The following CDH11 variants were observed in gnomAD, a reference collection of about 807,000 sequenced individuals.
The protein encoded by CDH11 is cadherin-11.
CDH11 carries 11 observed loss-of-function variants against 67.8 expected under a neutral mutation model. The ratio of observed to expected loss-of-function variants is 0.16; its 90% CI spans 0.10 to 0.27. CDH11 has a LOEUF of 0.27. CDH11 is among the 10% of genes least tolerant of loss of function. The pLI is 1.00. For synonymous variants in CDH11, 419 were observed against 400.0 expected (o/e 1.05, Z -0.57); for missense variants, 847 against 1,031.2 (o/e 0.82, Z 2.45).
Position 64,998,565 on chromosome 16 carries a change from C to T in CDH11, c.520G>A (p.Val174Met). 2 of 1,614,090 alleles carry T rather than the reference C, an allele frequency of 1.2e-6. No homozygotes were observed. The highest frequency in any genetic ancestry group is 1.1e-5 in the South Asian group (1 of 91,074). ...AGGCCTCCCACACCGTACGCACCCA[C>T]ATTGGACCTCTCAGGCACGTTGGCA... ...YHANVPERSNVGTSVIQVTAS... is the reference protein window; with the variant it reads ...YHANVPERSNMGTSVIQVTAS... Residue 174 changes from valine to methionine, a missense_variant, in exon 4 of 13, where the codon GTG becomes ATG. By Grantham distance (21) the Val-to-Met change is conservative (BLOSUM62 1). Coordinates refer to ENST00000268603, the MANE Select transcript of CDH11 (RefSeq NM_001797.4).
chr16:65,116,552 G>A (rs1447783112), intron 1 of CDH11, among the ~76,000 whole-genome samples: 3 of 152,186 alleles, frequency 2.0e-5, no homozygotes, highest in Admixed American at 6.5e-5. Flanking sequence ...TGGAGTTTAG[G>A]AAGTGAAAGC....
In CDH11 at chr16:65,006,452, T is replaced by C. The variant is rs78344243; in HGVS notation, c.-172-1411A>G. Among the ~76,000 whole-genome samples, 922 of 152,272 alleles carry C rather than the reference T, an allele frequency of 6.1e-3. 7 individuals carry two copies. The highest frequency in any genetic ancestry group is 0.021 in the African/African-American group (866 of 41,566). Reference sequence around the variant, plus strand: ...TACATAGACTTGGAGATCAGATGCATCTGGATCAGAATACCACTTCCATAT... The same window carrying C: ...TACATAGACTTGGAGATCAGATGCACCTGGATCAGAATACCACTTCCATAT... On this transcript the variant is annotated intron_variant, in intron 2 of 12. Transcript: ENST00000268603.
intron 1 of CDH11, among the ~76,000 whole-genome samples, chr16:65,070,581 T>C (rs1462093460): frequency 6.6e-6 from 1 of 152,204 alleles, no homozygotes; most frequent in Non-Finnish European, 1.5e-5. Context: ...ACACATGCCA[T>C]GGGTGAGCAA....
chr16:65,101,857 C>G (rs1253592021), intron 1 of CDH11, among the ~76,000 whole-genome samples: 1 of 152,162 alleles, frequency 6.6e-6, no homozygotes, highest in Admixed American at 6.5e-5. Flanking sequence ...CACAGCCTAG[C>G]TGATTTTCAG....
chr16:65,062,727 T>C (rs2074252520), intron 1 of CDH11, among the ~76,000 whole-genome samples: 1 of 152,372 alleles, frequency 6.6e-6, no homozygotes, highest in Non-Finnish European at 1.5e-5. Flanking sequence ...TTGTCCACTT[T>C]ATAATCAGGT....
At chr16:65,055,847 C>A (rs1017664946) in intron 1 of CDH11, among the ~76,000 whole-genome samples, 3 of 152,126 alleles carry the variant, frequency 2.0e-5, no homozygotes, top group African/African-American at 7.2e-5. Context: ...AGCACTAACC[C>A]ATAATGTGAT....
At position 64,971,616 on chromosome 16, in the gene CDH11, G is replaced by A. The variant is rs1286796479; in HGVS notation, c.1605C>T (p.Ile535=). ...TGACTGTGAAATTTGGATTGTGAAT[G>A]ATTTCAGGGGGTAGGCTGAAGATAA... is the stretch of plus-strand genomic sequence containing the variant. The part of the protein sequence containing the change: ...PRFIFSLPPE[I]IHNPNFTVRD... Residue 535 remains isoleucine (I), a synonymous_variant, in exon 11 of 13, where the codon ATC becomes ATT. Transcript: ENST00000268603. 6.2e-7 allele frequency: 1 copy of A among 1,613,304 alleles called. No individual in the cohort carries two copies. Among genetic ancestry groups the A allele is most frequent in the East Asian group, 2.2e-5 (1 of 44,888 alleles).
intron 2 of CDH11, among the ~76,000 whole-genome samples, chr16:65,016,018 G>T (rs557621333): frequency 5.9e-5 from 9 of 152,182 alleles, no homozygotes; most frequent in Non-Finnish European, 1.2e-4. Context: ...AAGTCAAGCT[G>T]CTTCCAATGA....
Position 65,004,660 on chromosome 16 carries a change from G to T in CDH11, c.210C>A (p.Asp70Glu). 2 of 1,613,114 alleles carry T rather than the reference G, an allele frequency of 1.2e-6. No individual in the cohort carries two copies. Among genetic ancestry groups the T allele is most frequent in the Non-Finnish European group, 1.7e-6 (2 of 1,179,804 alleles). Reference sequence around the variant, plus strand: ...GCCTTACCCTGCCCACAAGCACGGGGTCAGGCCCGGTGTACTCCTCTATCA... The same window carrying T: ...GCCTTACCCTGCCCACAAGCACGGGTTCAGGCCCGGTGTACTCCTCTATCA... The part of the protein sequence containing the change: ...FFVIEEYTGP[D>E]PVLVGRLHSD... The change falls in exon 3 of 13, where the codon GAC becomes GAA. Residue 70 changes from aspartate to glutamate, a missense_variant. Coordinates refer to ENST00000268603, the MANE Select transcript of CDH11 (RefSeq NM_001797.4).
intron 1 of CDH11, among the ~76,000 whole-genome samples, chr16:65,079,329 AT>A (rs750299584): frequency 6.6e-6 from 1 of 152,130 alleles, no homozygotes; most frequent in African/African-American, 2.4e-5. Context: ...TTTTAAATGC[AT>A]TTTTTTCTAT....
intron 2 of CDH11, among the ~76,000 whole-genome samples, chr16:65,015,955 G>GTATC (rs1042938912): frequency 6.6e-6 from 1 of 152,166 alleles, no homozygotes; most frequent in Non-Finnish European, 1.5e-5. Context: ...GGGTCCCCAT[G>GTATC]TATCCATCCA....
intron 1 of CDH11, among the ~76,000 whole-genome samples, chr16:65,054,856 C>G (rs748659703): frequency 6.6e-6 from 1 of 152,166 alleles, no homozygotes; most frequent in Middle Eastern, 3.2e-3. Context: ...TCATTTCTTT[C>G]CAAATCTCTT....
At position 64,943,774 on chromosome 16, in the gene CDH11, T is replaced by C. The variant is rs2071147058; in HGVS notation, c.*3829A>G. The C allele has an allele frequency of 4.9e-6, 1 of 203,420 alleles. No homozygotes were observed. The highest frequency in any genetic ancestry group is 1.0e-5 in the Non-Finnish European group (1 of 99,202). 12.6% of individuals were successfully genotyped at this position (203,420 alleles called of 1,614,324 possible). On this transcript the variant is annotated 3_prime_UTR_variant, in exon 13 of 13. Coordinates refer to ENST00000268603, the MANE Select transcript of CDH11 (RefSeq NM_001797.4). Reference sequence around the variant, plus strand: ...TATATTTGCTTTCATTCAATAGATATTTATTGTGTACCTGTTATGTTTCAG... The same window carrying C: ...TATATTTGCTTTCATTCAATAGATACTTATTGTGTACCTGTTATGTTTCAG...
At chr16:64,948,191 G>A in intron 12 of CDH11, 92 bp from the exon 13 acceptor site, 1 of 1,479,468 alleles carries the variant, frequency 6.8e-7, no homozygotes, top group Non-Finnish European at 9.1e-7. Context: ...TAAACCATGA[G>A]GTATAAATGC....
chr16:65,039,685 G>T (rs1231777792), intron 2 of CDH11, among the ~76,000 whole-genome samples: 2 of 152,084 alleles, frequency 1.3e-5, no homozygotes, highest in African/African-American at 4.8e-5. Context: ...AAAAGCAATG[G>T]CAACAAAAGC....
intron 1 of CDH11, among the ~76,000 whole-genome samples, chr16:65,118,158 C>T (rs1249877972): frequency 2.0e-5 from 3 of 152,180 alleles, no homozygotes; most frequent in African/African-American, 7.2e-5. Context: ...GAGAAGGGTG[C>T]CATTGCCCTC....
At chr16:65,080,846 T>C (rs1006976975) in intron 1 of CDH11, among the ~76,000 whole-genome samples, 2 of 152,226 alleles carry the variant, frequency 1.3e-5, no homozygotes, top group African/African-American at 4.8e-5. Flanking sequence ...TATGGTTGTT[T>C]CTTCACATGC....
chr16:64,996,730 GC>G, intron 4 of CDH11, among the ~76,000 whole-genome samples: 1 of 152,146 alleles, frequency 6.6e-6, no homozygotes, highest in Non-Finnish European at 1.5e-5. Flanking sequence ...ATAATATCAT[GC>G]CTTTGCATCA....
chr16:64,970,160 A>G (rs1358958520), intron 11 of CDH11, among the ~76,000 whole-genome samples: 1 of 152,194 alleles, frequency 6.6e-6, no homozygotes, highest in African/African-American at 2.4e-5. Context: ...TTCATTATAG[A>G]AAGCAAGGCA....
Sources: gnomAD v4.1 joint callset for allele counts (sites outside exome capture counted in the v4.1 genomes callset) on GRCh38, gnomAD v4.1.1 for gene constraint, MANE v1.5 for transcripts, NCBI Gene and HGNC (gene_info 2026-07-23, HGNC 2026-07-21) for gene names.